DYNC2I1: variants seen among roughly 807,000 people sequenced by gnomAD.
DYNC2I1 encodes dynein 2 intermediate chain 1.
A neutral mutation model predicts 133.4 loss-of-function variants in DYNC2I1; 89 were observed. The ratio of observed to expected loss-of-function variants is 0.67; its 90% CI spans 0.56 to 0.80. The LOEUF is 0.80. Among genes scored for constraint, DYNC2I1 ranks in the 30% least tolerant of loss-of-function variants. The pLI, the probability that DYNC2I1 is intolerant of heterozygous loss-of-function variation, is 0.00. For missense variants in DYNC2I1, 1,291 were observed against 1,314.5 expected, an observed-to-expected ratio of 0.98 and a Z score of 0.28; for synonymous variants, 504 against 484.3, an observed-to-expected ratio of 1.04 and a Z score of -0.54.
At chr7:158,895,809 G>A (rs1188959) in intron 8 of DYNC2I1, among the ~76,000 whole-genome samples, 22,129 of 152,172 alleles carry the variant, frequency 0.15, 1,849 homozygotes, top group Middle Eastern at 0.24. Flanking sequence ...GCTTAGCAGA[G>A]CTTTATAATT....
chr7:158,927,969 G>A (rs1056803367), intron 20 of DYNC2I1, among the ~76,000 whole-genome samples: 3 of 152,160 alleles, frequency 2.0e-5, no homozygotes, highest in Admixed American at 6.5e-5. Context: ...ATGTATTTCA[G>A]GTGTCCGAGT....
chr7:158,896,616 G>A (rs1488896166), intron 8 of DYNC2I1, among the ~76,000 whole-genome samples: 2 of 152,088 alleles, frequency 1.3e-5, no homozygotes, highest in East Asian at 3.9e-4. Flanking sequence ...GGGACTACAG[G>A]CATGTGCCAC....
intron 23 of DYNC2I1, 142 bp downstream of exon 23, chr7:158,934,691 C>T: frequency 1.2e-6 from 1 of 803,134 alleles, no homozygotes; most frequent in Non-Finnish European, 1.9e-6. Context: ...AATGACCCTC[C>T]CACCTCAGCC....
intron 24 of DYNC2I1, among the ~76,000 whole-genome samples, chr7:158,944,496 T>C (rs904876618): frequency 6.6e-6 from 1 of 152,214 alleles, no homozygotes; most frequent in African/African-American, 2.4e-5. Flanking sequence ...TTGCCCATGC[T>C]TTACACACGC....
chr7:158,930,429 A>T (rs771584170), intron 20 of DYNC2I1, 26 bp from the exon 21 acceptor site: 1 of 1,602,966 alleles, frequency 6.2e-7, no homozygotes, highest in South Asian at 1.1e-5. Context: ...TGAAAGGTGC[A>T]TTGATTTTGG....
chr7:158,874,836 C>G (rs1450419065), intron 3 of DYNC2I1, among the ~76,000 whole-genome samples: 1 of 152,186 alleles, frequency 6.6e-6, no homozygotes, highest in African/African-American at 2.4e-5. Flanking sequence ...ATGGGTAATA[C>G]AAACGCAGTG....
Position 158,934,203 on chromosome 7 carries a change from A to G in DYNC2I1, c.2621A>G (p.Asn874Ser), listed in dbSNP as rs1361109961. The G allele has an allele frequency of 6.2e-7, 1 of 1,612,316 alleles. No homozygotes were observed. Among genetic ancestry groups the G allele is most frequent in the African/African-American group, 1.3e-5 (1 of 74,870 alleles). The stretch of plus-strand genomic sequence containing the variant: ...GTTAAATTTCTGCCTTCAGATCCTA[A>G]TCACTTTATTATTGGCACAGACATG... The part of the protein sequence containing the change: ...LNVKFLPSDP[N>S]HFIIGTDMGL... The change falls in exon 22 of 25, where the codon AAT (asparagine) becomes AGT (serine). Residue 874 changes from asparagine to serine, a missense_variant. Physicochemically the swap from Asn to Ser is conservative, Grantham distance 46 (BLOSUM62 1). Transcript: ENST00000407559.
rs926359123 is a variant in DYNC2I1 at position 158,906,686 on chromosome 7, G to A, written c.1460+595G>A. ...TTAGTCAGGCTGGTCTCGAACTCCCGACCTCAGGTGATCCACCTGCCTTGG... is the reference window on the plus strand; with the variant it reads ...TTAGTCAGGCTGGTCTCGAACTCCCAACCTCAGGTGATCCACCTGCCTTGG... On this transcript the variant is annotated intron_variant, in intron 11 of 24. Coordinates refer to ENST00000407559, the MANE Select transcript of DYNC2I1 (RefSeq NM_018051.5). Among the ~76,000 whole-genome samples, 12 of 152,218 alleles carry A rather than the reference G, an allele frequency of 7.9e-5. 1 individual carries two copies. The highest frequency in any genetic ancestry group is 7.2e-4 in the Admixed American group (11 of 15,300).
downstream of DYNC2I1, among the ~76,000 whole-genome samples, chr7:158,957,579 A>G (rs569814766): frequency 1.3e-5 from 2 of 152,250 alleles, no homozygotes; most frequent in East Asian, 1.9e-4. Context: ...GCCACGGGCT[A>G]TGAGGAACCG....
chr7:158,922,583 G>T, intron 16 of DYNC2I1, 34 bp downstream of exon 16: 1 of 1,599,872 alleles, frequency 6.3e-7, no homozygotes, highest in Non-Finnish European at 8.5e-7. Context: ...ACGTTTGATG[G>T]GAGGATGGGC....
intron 14 of DYNC2I1, among the ~76,000 whole-genome samples, chr7:158,914,900 G>A (rs1031532977): frequency 6.6e-6 from 1 of 152,172 alleles, no homozygotes; most frequent in Non-Finnish European, 1.5e-5. Context: ...AGCAGAGAAT[G>A]TCTAAAAGAG....
At chr7:158,875,638 C>T (rs1468194182) in intron 3 of DYNC2I1, among the ~76,000 whole-genome samples, 3 of 152,176 alleles carry the variant, frequency 2.0e-5, no homozygotes, top group South Asian at 2.1e-4. Context: ...TCAGCCTCCC[C>T]AGCCCAGGAT....
intron 23 of DYNC2I1, among the ~76,000 whole-genome samples, chr7:158,937,227 C>G (rs1218071932): frequency 6.6e-6 from 1 of 152,216 alleles, no homozygotes; most frequent in East Asian, 1.9e-4. Flanking sequence ...AATCTTGGAA[C>G]TGAGAAACAT....
intron 1 of DYNC2I1, among the ~76,000 whole-genome samples, chr7:158,864,262 C>T (rs948990858): frequency 6.6e-6 from 1 of 152,054 alleles, no homozygotes; most frequent in African/African-American, 2.4e-5. Flanking sequence ...CAGTGTCATG[C>T]AGGGAACAGG....
At chr7:158,858,428 G>A (rs1298065071) in intron 1 of DYNC2I1, among the ~76,000 whole-genome samples, 4 of 152,114 alleles carry the variant, frequency 2.6e-5, no homozygotes. Context: ...GGTCAAAGGG[G>A]TCATCTTTTG....
At chr7:158,863,049 T>C (rs1209323098) in intron 1 of DYNC2I1, among the ~76,000 whole-genome samples, 1 of 143,518 alleles carries the variant, frequency 7.0e-6, no homozygotes, top group Non-Finnish European at 1.5e-5. Context: ...GCAAGATTTA[T>C]TGTGAAGAAC....
chr7:158,880,309 G>C lies in DYNC2I1; in HGVS notation c.879+320G>C, dbSNP rs565137552. Among the ~76,000 whole-genome samples, 57 of 152,286 alleles carry C rather than the reference G, an allele frequency of 3.7e-4. No individual in the cohort carries two copies. The South Asian group carries it at 7.9e-3, about 21-fold the overall frequency. On this transcript the variant is annotated intron_variant, in intron 5 of 24. Transcript: ENST00000407559. ...CCCAGCACTTTGGGAGGCCGAGGTG[G>C]GTGGATCACCTGAGGTCAGGAGTTC...
intron 11 of DYNC2I1, among the ~76,000 whole-genome samples, chr7:158,908,340 ACTTT>A (rs1470801079): frequency 1.2e-4 from 18 of 152,250 alleles, no homozygotes; most frequent in Non-Finnish European, 5.9e-5. Flanking sequence ...ATAAGAAAGG[ACTTT>A]CTAAGAATAA....
chr7:158,869,463 C>G (rs114093570), intron 1 of DYNC2I1: 2 of 472,398 alleles, frequency 4.2e-6, no homozygotes, highest in Admixed American at 2.3e-5. Flanking sequence ...GGAGCACAGA[C>G]TCCCTCTGTG....
Sources: gnomAD v4.1 joint callset for allele counts (sites outside exome capture counted in the v4.1 genomes callset) on GRCh38, gnomAD v4.1.1 for gene constraint, MANE v1.5 for transcripts, NCBI Gene and HGNC (gene_info 2026-07-23, HGNC 2026-07-21) for gene names.